The following TGM6 variants were observed in gnomAD, a reference collection of about 807,000 sequenced individuals.
TGM6 encodes the protein protein-glutamine gamma-glutamyltransferase 6.
Under a neutral mutation model 77.5 loss-of-function variants are expected in TGM6, and 74 were observed. That is an observed-to-expected ratio of 0.96 (90% CI 0.79 to 1.16). TGM6 has a LOEUF of 1.16. Ranked by LOEUF, TGM6 falls within the 50% of genes most tolerant of loss-of-function variation. The probability of loss-of-function intolerance (pLI) is 0.00; values close to 1 mark genes in which losing one functional copy is unlikely to be tolerated. For missense variants in TGM6, 968 were observed against 940.2 expected (o/e 1.03, Z -0.39); for synonymous variants, 383 against 378.9 (o/e 1.01, Z -0.12).
rs1370113146 is a variant in TGM6 at position 2,430,385 on chromosome 20, T to C, written c.1679-61T>C. On this transcript the variant is annotated intron_variant, in intron 10 of 12. Transcript: ENST00000202625. ...TATTAGTTGTGCATTCCCTTCCTTC[T>C]TCCCAGTGCCATTGAAGAAAGACAT... 2.5e-6 allele frequency: 4 copies of C among 1,604,584 alleles called. No homozygotes were observed. In the East Asian group the frequency reaches 8.9e-5, roughly 36 times the overall value.
chr20:2,407,793 C>A (rs1016020404), intron 9 of TGM6, among the ~76,000 whole-genome samples: 7 of 152,176 alleles, frequency 4.6e-5, no homozygotes, highest in Non-Finnish European at 1.0e-4. Context: ...CTTGGTGTGC[C>A]ATACAGCATG....
At chr20:2,410,050 C>T (rs1346934596) in intron 9 of TGM6, among the ~76,000 whole-genome samples, 1 of 152,108 alleles carries the variant, frequency 6.6e-6, no homozygotes, top group Non-Finnish European at 1.5e-5. Flanking sequence ...TTGGAGTCTT[C>T]AGAATGAGAA....
At position 2,396,528 on chromosome 20, in the gene TGM6, AGAG is replaced by A. The variant is rs1568656942; in HGVS notation, c.454_456del (p.Glu152del). 1 of 1,614,222 alleles carries A rather than the reference AGAG, an allele frequency of 6.2e-7. No individual in the cohort carries two copies. The highest frequency in any genetic ancestry group is 8.5e-7 in the Non-Finnish European group (1 of 1,180,038). Reference sequence around the variant, plus strand: ...CAGAGGACGATGTGTTTCTGGCCTCAGAGGAGGAGAGACAGGAGTACGTGCTCA... The same window carrying A: ...CAGAGGACGATGTGTTTCTGGCCTCAGAGGAGAGACAGGAGTACGTGCTCA... On this transcript the variant is annotated inframe_deletion, in exon 4 of 13. Transcript: ENST00000202625.
At position 2,396,618 on chromosome 20, in the gene TGM6, C is replaced by A; in HGVS notation, c.537C>A (p.Tyr179Ter). The A allele has an allele frequency of 1.2e-6, 2 of 1,614,134 alleles. No homozygotes were observed. The highest frequency in any genetic ancestry group is 8.5e-7 in the Non-Finnish European group (1 of 1,180,006). The change falls in exon 4 of 13, where the codon TAC (tyrosine) becomes TAA (stop). Residue 179 changes from tyrosine to a stop codon, truncating the protein, a stop_gained. Coordinates refer to ENST00000202625, the MANE Select transcript of TGM6 (RefSeq NM_198994.3). LOFTEE classifies it high-confidence loss of function. Reference protein sequence around the residue: ...EKHIRAQGWNYGQFEEDILNI... With the variant: ...EKHIRAQGWN ...ACATACGAGCCCAGGGCTGGAACTA[C>A]GGGCAGGTCTCCAGGGGCACAGGCC...
chr20:2,411,704 T>A (rs2084785105), intron 9 of TGM6, among the ~76,000 whole-genome samples: 1 of 152,134 alleles, frequency 6.6e-6, no homozygotes, highest in South Asian at 2.1e-4. Flanking sequence ...TTGGGAAAAC[T>A]GGATATCTAT....
intron 1 of TGM6, among the ~76,000 whole-genome samples, chr20:2,385,096 T>G (rs2084585525): frequency 6.6e-6 from 1 of 152,088 alleles, no homozygotes; most frequent in African/African-American, 2.4e-5. Context: ...CATGATCACG[T>G]ATTCACCAAG....
At chr20:2,430,759 T>C in intron 11 of TGM6, 135 bp from the exon 12 acceptor site, 1 of 1,584,926 alleles carries the variant, frequency 6.3e-7, no homozygotes, top group Non-Finnish European at 8.6e-7. Context: ...GGTGCAATAG[T>C]GGCACTCAGC....
chr20:2,394,576 G>C lies in TGM6; in HGVS notation c.132G>C (p.Leu44=), dbSNP rs1242565197. 6.2e-7 allele frequency: 1 copy of C among 1,612,340 alleles called. No homozygotes were observed. Among genetic ancestry groups the C allele is most frequent in the South Asian group, 1.1e-5 (1 of 90,924 alleles). The change falls in exon 2 of 13, where the codon CTG becomes CTC. Residue 44 remains leucine, a synonymous_variant. Transcript: ENST00000202625. ...RGQSFSLTLE[L]SRALDCEEIL... ...AGTCGTTCAGCCTCACGCTGGAGCT[G>C]AGCAGAGCCCTGGACTGTGAGGAGA...
chr20:2,398,963 A>G (rs1471415158), intron 5 of TGM6, among the ~76,000 whole-genome samples: 1 of 152,132 alleles, frequency 6.6e-6, no homozygotes, highest in East Asian at 1.9e-4. Flanking sequence ...TGGAGCACAG[A>G]GAATTAACAT....
At chr20:2,415,148 T>A (rs943147007) in intron 9 of TGM6, among the ~76,000 whole-genome samples, 3 of 152,128 alleles carry the variant, frequency 2.0e-5, no homozygotes, top group Non-Finnish European at 2.9e-5. Flanking sequence ...AATGAAACAT[T>A]TTCATAGTAA....
chr20:2,416,693 C>G (rs1683341260), intron 9 of TGM6, among the ~76,000 whole-genome samples: 1 of 152,168 alleles, frequency 6.6e-6, no homozygotes, highest in Non-Finnish European at 1.5e-5. Flanking sequence ...CGTCTATAAT[C>G]TAGTCCTGAG....
At chr20:2,414,984 G>C (rs957906729) in intron 9 of TGM6, among the ~76,000 whole-genome samples, 1 of 151,850 alleles carries the variant, frequency 6.6e-6, no homozygotes, top group African/African-American at 2.4e-5. Context: ...GTGACGGGGT[G>C]CACAATTCTG....
At chr20:2,397,325 C>G (rs553540747) in intron 4 of TGM6, among the ~76,000 whole-genome samples, 2 of 152,258 alleles carry the variant, frequency 1.3e-5, no homozygotes, top group Admixed American at 6.5e-5. Flanking sequence ...TCCAGGTCCC[C>G]GGTGGAAGAA....
At chr20:2,398,186 G>A (rs1039547616) in intron 5 of TGM6, 140 bp downstream of exon 5, 8 of 1,395,422 alleles carry the variant, frequency 5.7e-6, no homozygotes, top group Non-Finnish European at 8.0e-6. Context: ...AAAACTCAGT[G>A]GTGTAAAACA....
rs760194140 is a variant in TGM6 at position 2,399,637 on chromosome 20, A to G, written c.749A>G (p.His250Arg). 10 of 1,613,466 alleles carry G rather than the reference A, an allele frequency of 6.2e-6. No individual in the cohort carries two copies. The East Asian group carries it at 2.0e-4, about 32-fold the overall frequency. Residue 250 changes from histidine to arginine, a missense_variant, in exon 6 of 13, where the codon CAC (histidine) becomes CGC (arginine). Physicochemically the swap from His to Arg is conservative, Grantham distance 29 (BLOSUM62 0). Coordinates refer to ENST00000202625, the MANE Select transcript of TGM6 (RefSeq NM_198994.3). ...GKYGGGTSPL[H>R]WRGSVAILQK... ...TACGGCGGCGGCACCAGCCCGCTGC[A>G]CTGGCGCGGCAGCGTGGCCATTCTG...
At chr20:2,410,848 C>A (rs2084780454) in intron 9 of TGM6, among the ~76,000 whole-genome samples, 1 of 152,106 alleles carries the variant, frequency 6.6e-6, no homozygotes, top group Admixed American at 6.5e-5. Flanking sequence ...TATTAGATAA[C>A]TTTAGATTAA....
intron 10 of TGM6, 118 bp downstream of exon 10, chr20:2,417,691 C>A (rs1301668908): frequency 1.7e-6 from 2 of 1,201,050 alleles, no homozygotes; most frequent in Non-Finnish European, 2.4e-6. Context: ...GGGGACATTC[C>A]TGAGCATTGT....
In TGM6 at chr20:2,417,282, G is replaced by C. The variant is rs138184667; in HGVS notation, c.1387G>C (p.Gly463Arg). The C allele has an allele frequency of 6.2e-7, 1 of 1,611,314 alleles. No homozygotes were observed. Among genetic ancestry groups the C allele is most frequent in the South Asian group, 1.1e-5 (1 of 90,528 alleles). ...VYSKAVNRLFGVEASGRRIWI... is the reference protein window; with the variant it reads ...VYSKAVNRLFRVEASGRRIWI... ...CAGCAAGGCGGTGAACAGGCTGTTC[G>C]GCGTGGAAGCCTCTGGAAGGAGAAT... The change falls in exon 10 of 13, where the codon GGC (glycine) becomes CGC (arginine). Residue 463 changes from glycine to arginine, a missense_variant. Transcript: ENST00000202625.
intron 1 of TGM6, among the ~76,000 whole-genome samples, chr20:2,393,259 C>T (rs2084640381): frequency 6.6e-6 from 1 of 152,222 alleles, no homozygotes; most frequent in Admixed American, 6.5e-5. Context: ...AATATTCTGC[C>T]TCTTCATTTC....
Sources: gnomAD v4.1 joint callset for allele counts (sites outside exome capture counted in the v4.1 genomes callset) on GRCh38, gnomAD v4.1.1 for gene constraint, MANE v1.5 for transcripts, NCBI Gene and HGNC (gene_info 2026-07-23, HGNC 2026-07-21) for gene names.